MFSD6: variants seen among roughly 807,000 people sequenced by gnomAD.
The protein encoded by MFSD6 is major facilitator superfamily domain-containing protein 6.
A neutral mutation model predicts 56.3 loss-of-function variants in MFSD6; 26 were observed. The observed-to-expected ratio is 0.46, with a 90% confidence interval of 0.34 to 0.64. The LOEUF is 0.64. Among genes scored for constraint, MFSD6 ranks in the 30% least tolerant of loss-of-function variants. MFSD6 has a pLI of 0.01. For missense variants in MFSD6, 750 were observed against 986.2 expected (o/e 0.76, Z 3.21); for synonymous variants, 331 against 366.9 (o/e 0.90, Z 1.12).
chr2:190,499,756 A>AT lies in MFSD6; in HGVS notation c.2173-255dup. 1 of 1,386,976 alleles carries AT rather than the reference A, an allele frequency of 7.2e-7. No individual in the cohort carries two copies. The highest frequency in any genetic ancestry group is 9.7e-7 in the Non-Finnish European group (1 of 1,032,070). The allele number at this position is 1,386,976 out of a possible 1,614,324, so 85.9% of individuals were successfully genotyped here. The stretch of plus-strand genomic sequence containing the variant: ...AACTGTTTACCAAGTACTAACAGAC[A>AT]TTTTGGTAGTAATGTTCCTTTTTCC... On this transcript the variant is annotated intron_variant, in intron 7 of 7. Transcript: ENST00000392328. This position sits in a 1 kb window ranked among gnomAD's most constrained non-coding sequence, Gnocchi z 6.0.
rs959940746 is a variant in MFSD6, at chr2:190,491,689, A to G, written c.1891+1823A>G. Among the ~76,000 whole-genome samples the G allele has an allele frequency of 2.0e-5, 3 of 152,216 alleles. No individual in the cohort carries two copies. Among genetic ancestry groups the G allele is most frequent in the Non-Finnish European group, 4.4e-5 (3 of 68,034 alleles). On this transcript the variant is annotated intron_variant, in intron 6 of 7. Coordinates refer to ENST00000392328, the MANE Select transcript of MFSD6 (RefSeq NM_017694.4). The surrounding 1 kb of genome is among the most constrained non-coding windows in gnomAD (Gnocchi z 4.2). Reference sequence around the variant, plus strand: ...TTGAGTGCCAGCCCTTCCCTCTGCCATAGCCTACCCAAATGAGAAGGAACC... The same window carrying G: ...TTGAGTGCCAGCCCTTCCCTCTGCCGTAGCCTACCCAAATGAGAAGGAACC...
Position 190,467,896 on chromosome 2 carries a change from C to T in MFSD6, c.1533-1862C>T, listed in dbSNP as rs899046113. ...TGTGGCTGCTTTCATGCTACAGCAG[C>T]AGAGCTGAGGAGCTGCAACAGAGAC... On this transcript the variant is annotated intron_variant, in intron 3 of 7. Coordinates refer to ENST00000392328, the MANE Select transcript of MFSD6 (RefSeq NM_017694.4). The surrounding 1 kb of genome is among the most constrained non-coding windows in gnomAD (Gnocchi z 5.5). 6.6e-6 allele frequency among the ~76,000 whole-genome samples: 1 copy of T among 152,222 alleles called. No homozygotes were observed. The highest frequency in any genetic ancestry group is 2.4e-5 in the African/African-American group (1 of 41,454).
Position 190,492,104 on chromosome 2 carries a change from CAAAG to C in MFSD6, c.1891+2242_1891+2245del, listed in dbSNP as rs1689396015. On this transcript the variant is annotated intron_variant, in intron 6 of 7. Coordinates refer to ENST00000392328, the MANE Select transcript of MFSD6 (RefSeq NM_017694.4). This position sits in a 1 kb window ranked among gnomAD's most constrained non-coding sequence, Gnocchi z 5.2. ...GGTTTTTGAATTAATCCAACGAAGA[CAAAG>C]AAAAAAGAATTTTAAAAAATGAACA... Among the ~76,000 whole-genome samples, 1 of 151,670 alleles carries C rather than the reference CAAAG, an allele frequency of 6.6e-6. No individual in the cohort carries two copies.
intron 2 of MFSD6, among the ~76,000 whole-genome samples, chr2:190,427,146 G>C (rs1055814286): frequency 6.6e-6 from 1 of 152,230 alleles, no homozygotes; most frequent in African/African-American, 2.4e-5. Context: ...GTGGGGAAAG[G>C]TAAGGGTGCC....
chr2:190,416,897 A>G lies in MFSD6; in HGVS notation c.-54+1484A>G, dbSNP rs1690798706. ...TCTTTTGACTCTACTTCCTAAAATG[A>G]ATTTTTGATCACATTAAACTTTAAT... On this transcript the variant is annotated intron_variant, in intron 2 of 7. Coordinates refer to ENST00000392328, the MANE Select transcript of MFSD6 (RefSeq NM_017694.4). This position sits in a 1 kb window ranked among gnomAD's most constrained non-coding sequence, Gnocchi z 4.1. 1.3e-5 allele frequency among the ~76,000 whole-genome samples: 2 copies of G among 152,270 alleles called. No homozygotes were observed. The highest frequency in any genetic ancestry group is 4.1e-4 in the South Asian group (2 of 4,828).
intron 3 of MFSD6, among the ~76,000 whole-genome samples, chr2:190,446,639 A>G (rs1328550043): frequency 6.6e-6 from 1 of 152,176 alleles, no homozygotes; most frequent in African/African-American, 2.4e-5. Flanking sequence ...TAAAGAAGCT[A>G]ATGAAACATG....
rs1685616587 is a variant in MFSD6 at position 190,421,594 on chromosome 2, AT to A, written c.-54+6184del. Among the ~76,000 whole-genome samples the A allele has an allele frequency of 1.3e-5, 2 of 151,972 alleles. 1 individual carries two copies. The highest frequency in any genetic ancestry group is 4.8e-5 in the African/African-American group (2 of 41,382). On this transcript the variant is annotated intron_variant, in intron 2 of 7. Transcript: ENST00000392328. ...CAATTATTTTGATATTCACCTATTTATTTATTTGAGACAGTTCTCACCCTGT... is the reference window on the plus strand; with the variant it reads ...CAATTATTTTGATATTCACCTATTTATTATTTGAGACAGTTCTCACCCTGT...
chr2:190,411,119 C>T (rs1184137751), intron 1 of MFSD6: 14 of 982,760 alleles, frequency 1.4e-5, no homozygotes, highest in Non-Finnish European at 1.7e-5. Flanking sequence ...AACCTGCATA[C>T]AGGCACACAT....
chr2:190,467,065 A>G lies in MFSD6; in HGVS notation c.1533-2693A>G, dbSNP rs1235861745. Among the ~76,000 whole-genome samples the G allele has an allele frequency of 6.6e-6, 1 of 152,238 alleles. No individual in the cohort carries two copies. The highest frequency in any genetic ancestry group is 2.4e-5 in the African/African-American group (1 of 41,452). On this transcript the variant is annotated intron_variant, in intron 3 of 7. Transcript: ENST00000392328. This position sits in a 1 kb window ranked among gnomAD's most constrained non-coding sequence, Gnocchi z 5.5. The stretch of plus-strand genomic sequence containing the variant: ...TGATTCAGAGGTGGGCTCAAAAGAC[A>G]GCTTCAGGATAGACAATTTGTGAAC...
chr2:190,471,346 G>A lies in MFSD6; in HGVS notation c.1630+1491G>A, dbSNP rs1687914178. Among the ~76,000 whole-genome samples, 1 of 152,204 alleles carries A rather than the reference G, an allele frequency of 6.6e-6. No homozygotes were observed. The highest frequency in any genetic ancestry group is 1.5e-5 in the Non-Finnish European group (1 of 68,032). ...CAGGGAATTCCCTTTCCTAGCCGAG[G>A]AAAGGGGTGAGAGATGGCACCTGGA... is the stretch of plus-strand genomic sequence containing the variant. On this transcript the variant is annotated intron_variant, in intron 4 of 7. Coordinates refer to ENST00000392328, the MANE Select transcript of MFSD6 (RefSeq NM_017694.4). The surrounding 1 kb of genome is among the most constrained non-coding windows in gnomAD (Gnocchi z 4.7).
At chr2:190,435,782 C>T in intron 2 of MFSD6, 195 bp from the exon 3 acceptor site, 1 of 450,636 alleles carries the variant, frequency 2.2e-6, no homozygotes, top group African/African-American at 2.0e-5. Flanking sequence ...AGTCAGTGGC[C>T]ATAAAGAGTA....
Position 190,467,264 on chromosome 2 carries a change from G to A in MFSD6, c.1533-2494G>A, listed in dbSNP as rs1160363598. ...ACCATAGAGATCTTTATTGAGATAG[G>A]TGTGGGCCTCGGCATCTGTAGTTGT... On this transcript the variant is annotated intron_variant, in intron 3 of 7. Transcript: ENST00000392328. The surrounding 1 kb of genome is among the most constrained non-coding windows in gnomAD (Gnocchi z 5.5). Among the ~76,000 whole-genome samples, 1 of 152,190 alleles carries A rather than the reference G, an allele frequency of 6.6e-6. No individual in the cohort carries two copies. The highest frequency in any genetic ancestry group is 1.5e-5 in the Non-Finnish European group (1 of 68,026).
rs1226393463 is a variant in MFSD6 at position 190,454,049 on chromosome 2, G to C, written c.1533-15709G>C. On this transcript the variant is annotated intron_variant, in intron 3 of 7. Transcript: ENST00000392328. The surrounding 1 kb of genome is among the most constrained non-coding windows in gnomAD (Gnocchi z 4.6). Reference sequence around the variant, plus strand: ...TTAGACTAAATCAGTCCTTGTTTTAGTTTCCTGACCACCAGTAAAATTATT... The same window carrying C: ...TTAGACTAAATCAGTCCTTGTTTTACTTTCCTGACCACCAGTAAAATTATT... The C allele has an allele frequency of 1.3e-5, 2 of 152,136 alleles. No homozygotes were observed. The highest frequency in any genetic ancestry group is 2.9e-5 in the Non-Finnish European group (2 of 68,008). 9.4% of individuals were successfully genotyped at this position (152,136 alleles called of 1,614,324 possible). A position where few individuals can be genotyped will look rare whatever the true frequency, so the allele number is the denominator to read the frequency against.
At chr2:190,445,832 G>A (rs1436933508) in intron 3 of MFSD6, among the ~76,000 whole-genome samples, 1 of 151,984 alleles carries the variant, frequency 6.6e-6, no homozygotes, top group Non-Finnish European at 1.5e-5. Flanking sequence ...AATGCTTCCT[G>A]TAATTGACTA....
Position 190,418,908 on chromosome 2 carries a change from T to C in MFSD6, c.-54+3495T>C, listed in dbSNP as rs2124992794. ...GGGCAGTGCTGAGTGCCTGGAGGGC[T>C]CAGGCTGGAAACTGGGCTGACAGGA... On this transcript the variant is annotated intron_variant, in intron 2 of 7. Transcript: ENST00000392328. The surrounding 1 kb of genome is among the most constrained non-coding windows in gnomAD (Gnocchi z 4.1). Among the ~76,000 whole-genome samples, 1 of 152,318 alleles carries C rather than the reference T, an allele frequency of 6.6e-6. No individual in the cohort carries two copies. Among genetic ancestry groups the C allele is most frequent in the Middle Eastern group, 3.4e-3 (1 of 294 alleles).
rs1686891514 is a variant in MFSD6 at position 190,454,194 on chromosome 2, G to A, written c.1533-15564G>A. On this transcript the variant is annotated intron_variant, in intron 3 of 7. Coordinates refer to ENST00000392328, the MANE Select transcript of MFSD6 (RefSeq NM_017694.4). This position sits in a 1 kb window ranked among gnomAD's most constrained non-coding sequence, Gnocchi z 4.6. ...AATGAGAGCCTGATACCCTCCATTGGTGGAAATATCAAATTAACTCCTTGT... is the reference window on the plus strand; with the variant it reads ...AATGAGAGCCTGATACCCTCCATTGATGGAAATATCAAATTAACTCCTTGT... The A allele has an allele frequency of 6.6e-6, 1 of 152,188 alleles. No homozygotes were observed. Among genetic ancestry groups the A allele is most frequent in the African/African-American group, 2.4e-5 (1 of 41,432 alleles). 9.4% of individuals were successfully genotyped at this position (152,188 alleles called of 1,614,324 possible).
At chr2:190,422,325 A>G (rs1426460565) in intron 2 of MFSD6, among the ~76,000 whole-genome samples, 1 of 152,022 alleles carries the variant, frequency 6.6e-6, no homozygotes, top group Non-Finnish European at 1.5e-5. Context: ...CATTCCTGGG[A>G]TCTCCAGTTC....
At chr2:190,442,892 A>C (rs960600047) in intron 3 of MFSD6, 1 of 152,188 alleles carries the variant, frequency 6.6e-6, no homozygotes, top group Admixed American at 6.5e-5. Flanking sequence ...CAACAAGGAA[A>C]TCTTGTCGTC....
upstream of MFSD6, chr2:190,408,321 CCCTCGCCTCG>C (rs532677765): frequency 6.6e-5 from 10 of 152,010 alleles, no homozygotes; most frequent in Non-Finnish European, 2.9e-5. Context: ...CGGTCCGCAT[CCCTCGCCTCG>C]CCTCGCCGCG....
Sources: gnomAD v4.1 joint callset for allele counts (sites outside exome capture counted in the v4.1 genomes callset) on GRCh38, gnomAD v4.1.1 for gene constraint, Gnocchi (gnomAD v3.1) non-coding constraint, MANE v1.5 for transcripts, NCBI Gene and HGNC (gene_info 2026-07-23, HGNC 2026-07-21) for gene names.